The following ATP8A2 variants were observed in gnomAD, a reference collection of about 807,000 sequenced individuals.
ATP8A2 encodes phospholipid-transporting ATPase IB.
A neutral mutation model predicts 165.6 loss-of-function variants in ATP8A2; 100 were observed. That is an observed-to-expected ratio of 0.60 (90% confidence interval 0.51 to 0.71). The LOEUF is 0.71. Ranked by LOEUF, ATP8A2 falls within the 30% of genes least tolerant of loss-of-function variation. The pLI, the probability that ATP8A2 is intolerant of heterozygous loss-of-function variation, is 0.00. For missense variants in ATP8A2, 1,227 were observed against 1,479.5 expected (o/e 0.83, Z 2.80); for synonymous variants, 543 against 548.8 (o/e 0.99, Z 0.15).
At chr13:25,629,023 T>C (rs2041172798) in intron 24 of ATP8A2, among the ~76,000 whole-genome samples, 1 of 152,196 alleles carries the variant, frequency 6.6e-6, no homozygotes, top group Admixed American at 6.5e-5. Context: ...ATTGGTCACC[T>C]ATGAGACTAA....
intron 2 of ATP8A2, among the ~76,000 whole-genome samples, chr13:25,520,370 A>C (rs1593450544): frequency 6.6e-6 from 1 of 152,194 alleles, no homozygotes; most frequent in African/African-American, 2.4e-5. Context: ...TTTGTGGCTG[A>C]ATAAGTACTC....
intron 2 of ATP8A2, among the ~76,000 whole-genome samples, chr13:25,527,200 C>T (rs1396058891): frequency 1.3e-5 from 2 of 152,148 alleles, no homozygotes; most frequent in African/African-American, 4.8e-5. Flanking sequence ...CATTGTATTA[C>T]ACCTTATAGT....
chr13:25,573,631 T>C (rs1156313598), intron 18 of ATP8A2, among the ~76,000 whole-genome samples: 1 of 152,106 alleles, frequency 6.6e-6, no homozygotes. Context: ...AACAGCCACA[T>C]CCATGGGCTG....
chr13:25,764,653 C>G (rs867613585), intron 25 of ATP8A2, among the ~76,000 whole-genome samples: 1 of 152,206 alleles, frequency 6.6e-6, no homozygotes. Context: ...CCGATGCTCA[C>G]TTAAAGTTGG....
intron 24 of ATP8A2, among the ~76,000 whole-genome samples, chr13:25,683,974 AGATTTCTATTT>A (rs2042548309): frequency 6.6e-6 from 1 of 152,204 alleles, no homozygotes. Flanking sequence ...ATAGTAAAGG[AGATTTCTATTT>A]GATTTCTATT....
intron 25 of ATP8A2, among the ~76,000 whole-genome samples, chr13:25,762,674 A>G (rs2044407210): frequency 6.6e-6 from 1 of 152,192 alleles, no homozygotes; most frequent in Non-Finnish European, 1.5e-5. Context: ...GTTAGTCACC[A>G]TTTATTGAAT....
chr13:25,829,865 C>T (rs1951419721), intron 28 of ATP8A2, among the ~76,000 whole-genome samples: 1 of 150,952 alleles, frequency 6.6e-6, no homozygotes, highest in African/African-American at 2.4e-5. Flanking sequence ...AGATAAGATG[C>T]TGACAGGCTA....
intron 27 of ATP8A2, among the ~76,000 whole-genome samples, chr13:25,818,293 T>A: frequency 6.6e-6 from 1 of 152,186 alleles, no homozygotes; most frequent in Admixed American, 6.5e-5. Context: ...TTCATAAATT[T>A]TTTGGTGTGC....
intron 35 of ATP8A2, among the ~76,000 whole-genome samples, chr13:25,989,659 G>A (rs1201600855): frequency 1.3e-5 from 2 of 151,806 alleles, no homozygotes; most frequent in Non-Finnish European, 2.9e-5. Flanking sequence ...AGCACCTTAT[G>A]CTCATTCTCT....
intron 24 of ATP8A2, among the ~76,000 whole-genome samples, chr13:25,616,181 G>A (rs2040818244): frequency 1.3e-5 from 2 of 151,966 alleles, no homozygotes; most frequent in Non-Finnish European, 2.9e-5. Flanking sequence ...TGCTGGAATT[G>A]AACTTTCTGA....
chr13:25,848,434 G>T (rs1393134582), intron 30 of ATP8A2, among the ~76,000 whole-genome samples: 1 of 152,202 alleles, frequency 6.6e-6, no homozygotes, highest in Non-Finnish European at 1.5e-5. Context: ...GGTGCTGGGG[G>T]ATATCACTTA....
intron 16 of ATP8A2, among the ~76,000 whole-genome samples, chr13:25,569,105 TGTTCAG>T (rs1439280493): frequency 6.6e-6 from 1 of 152,196 alleles, no homozygotes. Flanking sequence ...GACAAGGTTA[TGTTCAG>T]GATTGGAAAA....
intron 21 of ATP8A2, among the ~76,000 whole-genome samples, chr13:25,579,451 G>A (rs2039707605): frequency 6.6e-6 from 1 of 152,104 alleles, no homozygotes; most frequent in Non-Finnish European, 1.5e-5. Flanking sequence ...TCTTTCATGG[G>A]ATAGCACGTG....
intron 33 of ATP8A2, among the ~76,000 whole-genome samples, chr13:25,888,298 G>C (rs1953230641): frequency 2.6e-5 from 4 of 152,172 alleles, no homozygotes; most frequent in Non-Finnish European, 5.9e-5. Context: ...ACAATAACCT[G>C]ATGTGAATTT....
At chr13:25,408,043 A>C (rs2033856847) in intron 1 of ATP8A2, among the ~76,000 whole-genome samples, 1 of 152,054 alleles carries the variant, frequency 6.6e-6, no homozygotes. Context: ...ACAAACCTGC[A>C]CATTCTGCAC....
At chr13:25,915,954 G>T (rs1470473193) in intron 33 of ATP8A2, among the ~76,000 whole-genome samples, 3 of 152,178 alleles carry the variant, frequency 2.0e-5, no homozygotes, top group African/African-American at 4.8e-5. Context: ...CATTTACCAA[G>T]AAATTTTTCT....
chr13:25,467,535 G>A, intron 1 of ATP8A2, among the ~76,000 whole-genome samples: 1 of 151,160 alleles, frequency 6.6e-6, no homozygotes, highest in East Asian at 1.9e-4. Context: ...GGAAGTGAAG[G>A]TTTACTTGCG....
intron 33 of ATP8A2, among the ~76,000 whole-genome samples, chr13:25,925,145 G>A (rs1954563048): frequency 6.6e-6 from 1 of 152,020 alleles, no homozygotes; most frequent in Non-Finnish European, 1.5e-5. Context: ...AAGTGATGTG[G>A]TACTTTTATT....
chr13:25,531,372 A>G (rs903125583), intron 4 of ATP8A2, among the ~76,000 whole-genome samples: 3 of 107,742 alleles, frequency 2.8e-5, no homozygotes, highest in East Asian at 2.1e-4. Flanking sequence ...TGATATATAT[A>G]TGTTATATAT....
Sources: allele counts gnomAD v4.1 joint callset (sites outside exome capture counted in the v4.1 genomes callset), GRCh38; gene constraint gnomAD v4.1.1; transcripts MANE v1.5; gene names NCBI Gene and HGNC (gene_info 2026-07-23, HGNC 2026-07-21).